Variants in ACO1 observed in about 807,000 individuals in gnomAD.
ACO1 encodes the protein cytoplasmic aconitate hydratase.
Under a neutral mutation model 105.1 loss-of-function variants are expected in ACO1, and 78 were observed. The observed-to-expected ratio is 0.74, with a 90% confidence interval of 0.62 to 0.90. The LOEUF (loss-of-function observed/expected upper bound fraction) is 0.90, where lower values mean the gene tolerates loss of function less well. Ranked by LOEUF, ACO1 falls within the 40% of genes least tolerant of loss-of-function variation. ACO1 has a pLI of 0.00. For missense variants in ACO1, 965 were observed against 1,111.1 expected (o/e 0.87, Z 1.87); for synonymous variants, 364 against 397.4 (o/e 0.92, Z 1.00).
chr9:32,442,659 T>C (rs1822508383), intron 19 of ACO1, among the ~76,000 whole-genome samples: 1 of 152,236 alleles, frequency 6.6e-6, no homozygotes, highest in African/African-American at 2.4e-5. Flanking sequence ...TGAAAGTTGC[T>C]TTTTTGATTG....
intron 4 of ACO1, among the ~76,000 whole-genome samples, chr9:32,409,228 T>TGC (rs1372487568): frequency 2.0e-5 from 3 of 152,198 alleles, no homozygotes; most frequent in African/African-American, 7.2e-5. Flanking sequence ...TCCCTGTTCT[T>TGC]CAGTTTGCCA....
At chr9:32,437,706 G>A (rs936545588) in intron 18 of ACO1, among the ~76,000 whole-genome samples, 17 of 152,062 alleles carry the variant, frequency 1.1e-4, no homozygotes, top group African/African-American at 3.4e-4. Flanking sequence ...AGGGTGATGG[G>A]GAGTGCAAAA....
chr9:32,432,207 C>T (rs969260644), intron 15 of ACO1, among the ~76,000 whole-genome samples: 3 of 151,948 alleles, frequency 2.0e-5, no homozygotes, highest in African/African-American at 4.8e-5. Context: ...GTCCATTGGT[C>T]GAATGCACCT....
chr9:32,442,575 A>T (rs1405499006), intron 19 of ACO1, among the ~76,000 whole-genome samples: 1 of 152,168 alleles, frequency 6.6e-6, no homozygotes, highest in Middle Eastern at 3.2e-3. Flanking sequence ...TATTCAACAC[A>T]ATTTCATCTT....
intron 1 of ACO1, among the ~76,000 whole-genome samples, chr9:32,388,993 A>AAG (rs1185074531): frequency 6.6e-6 from 1 of 152,260 alleles, no homozygotes. Flanking sequence ...GTATAAAAAT[A>AAG]AGAGAGAGAC....
intron 1 of ACO1, among the ~76,000 whole-genome samples, chr9:32,390,308 A>C (rs961993806): frequency 6.6e-6 from 1 of 152,214 alleles, no homozygotes; most frequent in Admixed American, 6.5e-5. Context: ...TTGCTGCGCT[A>C]TCCTGTTTCT....
rs776188143 is a variant in ACO1, at chr9:32,420,990, A to G, written c.933A>G (p.Pro311=). 1.2e-6 allele frequency: 2 copies of G among 1,614,136 alleles called. No individual in the cohort carries two copies. The highest frequency in any genetic ancestry group is 1.1e-5 in the South Asian group (1 of 91,076). The part of the protein sequence containing the change: ...PEYGATAAFF[P]VDEVSITYLV... ...ACGGAGCAACTGCTGCCTTTTTCCC[A>G]GTTGATGAAGTTAGTATCACGTACC... The change falls in exon 8 of 21, where the codon CCA becomes CCG. Residue 311 remains proline, a synonymous_variant. Coordinates refer to ENST00000309951, the MANE Select transcript of ACO1 (RefSeq NM_002197.3).
intron 9 of ACO1, among the ~76,000 whole-genome samples, chr9:32,423,694 A>G (rs74427593): frequency 0.042 from 6,437 of 152,282 alleles, 424 homozygotes; most frequent in African/African-American, 0.14. Context: ...AATGTGGAAG[A>G]CCACTGAAAG....
intron 14 of ACO1, 113 bp downstream of exon 14, chr9:32,430,687 AAAG>A: frequency 8.5e-7 from 1 of 1,179,112 alleles, no homozygotes; most frequent in Non-Finnish European, 1.2e-6. Context: ...GGGATAAGAC[AAAG>A]AAGAGAATAA....
chr9:32,389,390 A>G (rs923620501), intron 1 of ACO1, among the ~76,000 whole-genome samples: 4 of 152,196 alleles, frequency 2.6e-5, no homozygotes, highest in Non-Finnish European at 4.4e-5. Flanking sequence ...CAACCCCTAC[A>G]GTATGTTTAC....
At chr9:32,388,658 C>T (rs747071442) in intron 1 of ACO1, among the ~76,000 whole-genome samples, 1 of 152,132 alleles carries the variant, frequency 6.6e-6, no homozygotes, top group South Asian at 2.1e-4. Flanking sequence ...TTACATATTC[C>T]ATTCCATGTA....
chr9:32,420,930 T>C lies in ACO1; in HGVS notation c.873T>C (p.Ala291=), dbSNP rs373399152. 2.5e-6 allele frequency: 4 copies of C among 1,614,032 alleles called. No homozygotes were observed. The highest frequency in any genetic ancestry group is 3.4e-6 in the Non-Finnish European group (4 of 1,179,988). The stretch of plus-strand genomic sequence containing the variant: ...CTGGAGTAGCCCAGTTGTCCATTGC[T>C]GACCGAGCTACGATTGCTAACATGT... ...FGPGVAQLSI[A]DRATIANMCP... The change falls in exon 8 of 21, where the codon GCT becomes GCC. Residue 291 remains alanine, a synonymous_variant. Coordinates refer to ENST00000309951, the MANE Select transcript of ACO1 (RefSeq NM_002197.3).
rs540992123 is a variant in ACO1 at position 32,409,645 on chromosome 9, G to A, written c.404+994G>A. 3.3e-5 allele frequency among the ~76,000 whole-genome samples: 5 copies of A among 152,170 alleles called. No individual in the cohort carries two copies. In the East Asian group the frequency reaches 5.8e-4, roughly 18 times the overall value. Reference sequence around the variant, plus strand: ...GCAGGAGGATCGCTTGAGCCCAGGAGTTTGATACCAGCCTGGGCAACACAG... The same window carrying A: ...GCAGGAGGATCGCTTGAGCCCAGGAATTTGATACCAGCCTGGGCAACACAG... On this transcript the variant is annotated intron_variant, in intron 4 of 20. Coordinates refer to ENST00000309951, the MANE Select transcript of ACO1 (RefSeq NM_002197.3).
In ACO1 at chr9:32,441,220, C is replaced by CTCTACCTCTTGAGGT. The variant is rs1312462889; in HGVS notation, c.2370+634_2370+648dup. On this transcript the variant is annotated intron_variant, in intron 19 of 20. Coordinates refer to ENST00000309951, the MANE Select transcript of ACO1 (RefSeq NM_002197.3). ...TTTAGAACCTTCCGCCATCTCGGGG[C>CTCTACCTCTTGAGGT]TCTACCTCTTGAGGTGTCCCCATAG... 2.0e-5 allele frequency among the ~76,000 whole-genome samples: 3 copies of CTCTACCTCTTGAGGT among 152,152 alleles called. No homozygotes were observed. The East Asian group carries it at 5.8e-4, about 29-fold the overall frequency.
intron 19 of ACO1, 46 bp downstream of exon 19, chr9:32,440,633 G>A: frequency 6.3e-7 from 1 of 1,596,832 alleles, no homozygotes; most frequent in Non-Finnish European, 8.5e-7. Flanking sequence ...CCTCTGAACT[G>A]GGAGGGTCCC....
chr9:32,384,807 G>A, intron 1 of ACO1, 72 bp downstream of exon 1: 1 of 294,774 alleles, frequency 3.4e-6, no homozygotes, highest in South Asian at 2.3e-5. Flanking sequence ...TCGAGAGTCG[G>A]TGCGGGCCTT....
In ACO1 at chr9:32,433,749, G is replaced by A; in HGVS notation, c.1873G>A (p.Ala625Thr). Residue 625 changes from alanine to threonine, a missense_variant, in exon 16 of 21, where the codon GCC (alanine) becomes ACC (threonine). Ala to Thr is a moderately conservative substitution (Grantham distance 58). Transcript: ENST00000309951. ...KIETVNESWNALATPSDKLFF... is the reference protein window; with the variant it reads ...KIETVNESWNTLATPSDKLFF... Reference sequence around the variant, plus strand: ...TAAGACTGTGAATGAAAGCTGGAATGCCTTAGCAACCCCATCAGATAAGCT... The same window carrying A: ...TAAGACTGTGAATGAAAGCTGGAATACCTTAGCAACCCCATCAGATAAGCT... 1 of 1,611,916 alleles carries A rather than the reference G, an allele frequency of 6.2e-7. No homozygotes were observed. Among genetic ancestry groups the A allele is most frequent in the Non-Finnish European group, 8.5e-7 (1 of 1,179,462 alleles).
rs1822838615 is a variant in ACO1, at chr9:32,454,570, A to G, written c.*4459A>G. On this transcript the variant is annotated 3_prime_UTR_variant, in exon 21 of 21. Transcript: ENST00000309951. ...AATGGGGCTGGGCATGTGTCCATGA[A>G]AAAGACTCCCCAGTTGTTTCTAAAA... 1 of 152,136 alleles carries G rather than the reference A, an allele frequency of 6.6e-6. No homozygotes were observed. The highest frequency in any genetic ancestry group is 1.5e-5 in the Non-Finnish European group (1 of 68,022). The allele number at this position is 152,136 out of a possible 1,614,324, so 9.4% of individuals were successfully genotyped here.
intron 19 of ACO1, among the ~76,000 whole-genome samples, chr9:32,447,183 CCT>C (rs1322378343): frequency 6.6e-6 from 1 of 152,138 alleles, no homozygotes; most frequent in African/African-American, 2.4e-5. Flanking sequence ...TTTCATTCTC[CCT>C]GTCACTTTCA....
Sources: allele counts gnomAD v4.1 joint callset (sites outside exome capture counted in the v4.1 genomes callset), GRCh38; gene constraint gnomAD v4.1.1; transcripts MANE v1.5; gene names NCBI Gene and HGNC (gene_info 2026-07-23, HGNC 2026-07-21).